The following GNAQ variants were observed in gnomAD, a reference collection of about 807,000 sequenced individuals.
GNAQ encodes G protein subunit alpha q, also known as guanine nucleotide-binding protein G(q) subunit alpha.
Under a neutral mutation model 43.9 loss-of-function variants are expected in GNAQ, and 8 were observed. That is an observed-to-expected ratio of 0.18 (90% CI 0.11 to 0.33). The LOEUF (loss-of-function observed/expected upper bound fraction) is 0.33. GNAQ is among the 10% of genes least tolerant of loss of function. GNAQ has a pLI of 1.00. For missense variants in GNAQ, 158 were observed against 450.8 expected (o/e 0.35, Z 5.88); for synonymous variants, 155 against 170.7 (o/e 0.91, Z 0.71).
At chr9:77,860,786 C>A (rs919280660) in intron 2 of GNAQ, among the ~76,000 whole-genome samples, 2 of 152,122 alleles carry the variant, frequency 1.3e-5, no homozygotes, top group African/African-American at 4.8e-5. Flanking sequence ...CTGGCTCTTC[C>A]GTGGAGGTTG....
intron 2 of GNAQ, among the ~76,000 whole-genome samples, chr9:77,837,322 C>G (rs926484299): frequency 2.0e-5 from 3 of 152,030 alleles, no homozygotes; most frequent in African/African-American, 4.8e-5. Context: ...GAGGCCGAGG[C>G]AGGCGGATCG....
chr9:77,970,291 C>T (rs1182117283), intron 1 of GNAQ, among the ~76,000 whole-genome samples: 1 of 152,126 alleles, frequency 6.6e-6, no homozygotes, highest in African/African-American at 2.4e-5. Context: ...CTCTACTCTG[C>T]CCCGTGCTCC....
At chr9:77,851,919 T>G (rs1298871824) in intron 2 of GNAQ, among the ~76,000 whole-genome samples, 12 of 152,230 alleles carry the variant, frequency 7.9e-5, no homozygotes, top group African/African-American at 2.9e-4. Context: ...TGAAAGGTTT[T>G]CTTTTCTAGC....
chr9:77,961,938 G>A (rs1823111642), intron 1 of GNAQ, among the ~76,000 whole-genome samples: 1 of 152,100 alleles, frequency 6.6e-6, no homozygotes, highest in Non-Finnish European at 1.5e-5. Context: ...ACCACCTCAA[G>A]AATGTAGAGG....
chr9:77,760,249 G>A (rs1825973465), intron 5 of GNAQ, among the ~76,000 whole-genome samples: 1 of 90,808 alleles, frequency 1.1e-5, no homozygotes, highest in African/African-American at 3.5e-5. Flanking sequence ...GTCTCCCTCT[G>A]ATGCCGAGCC....
At chr9:77,983,715 C>G (rs1049047096) in intron 1 of GNAQ, among the ~76,000 whole-genome samples, 2 of 152,090 alleles carry the variant, frequency 1.3e-5, no homozygotes, top group African/African-American at 4.8e-5. Context: ...TATCTATGCA[C>G]TTAAAATCAG....
chr9:77,820,285 T>C (rs1827092448), intron 2 of GNAQ, among the ~76,000 whole-genome samples: 1 of 152,174 alleles, frequency 6.6e-6, no homozygotes, highest in Admixed American at 6.5e-5. Flanking sequence ...TAAAATCTCC[T>C]GCAGAAAACT....
chr9:77,774,584 C>A (rs1328177352), intron 5 of GNAQ, among the ~76,000 whole-genome samples: 1 of 152,182 alleles, frequency 6.6e-6, no homozygotes, highest in Non-Finnish European at 1.5e-5. Flanking sequence ...GCTTTGGCCT[C>A]CCTAGTAGCT....
At chr9:77,753,798 AG>A (rs1825855480) in intron 5 of GNAQ, among the ~76,000 whole-genome samples, 2 of 152,102 alleles carry the variant, frequency 1.3e-5, no homozygotes, top group Non-Finnish European at 2.9e-5. Flanking sequence ...ATAACAGAAA[AG>A]GCACTGTATA....
chr9:77,723,260 T>C (rs942848679), intron 6 of GNAQ, among the ~76,000 whole-genome samples: 2 of 152,216 alleles, frequency 1.3e-5, no homozygotes, highest in Admixed American at 6.5e-5. Flanking sequence ...TGGGAAAATA[T>C]GGAGAGATTT....
intron 2 of GNAQ, among the ~76,000 whole-genome samples, chr9:77,848,241 T>C (rs1466925916): frequency 6.6e-6 from 1 of 152,194 alleles, no homozygotes; most frequent in African/African-American, 2.4e-5. Context: ...CACCAAATTC[T>C]TCCCCCTCAG....
At chr9:77,869,462 G>C (rs1828001272) in intron 2 of GNAQ, among the ~76,000 whole-genome samples, 1 of 152,152 alleles carries the variant, frequency 6.6e-6, no homozygotes, top group African/African-American at 2.4e-5. Flanking sequence ...AATTTAATCA[G>C]CTTATGCAGA....
At chr9:77,799,885 A>G (rs1826715546) in intron 3 of GNAQ, among the ~76,000 whole-genome samples, 1 of 152,208 alleles carries the variant, frequency 6.6e-6, no homozygotes, top group South Asian at 2.1e-4. Flanking sequence ...TCCAATTATT[A>G]TAAAACTGGC....
chr9:77,753,960 G>C (rs1015454039), intron 5 of GNAQ, among the ~76,000 whole-genome samples: 1 of 152,186 alleles, frequency 6.6e-6, no homozygotes, highest in Non-Finnish European at 1.5e-5. Flanking sequence ...TTGGGATAAA[G>C]TTGAGGGAAA....
At chr9:77,813,249 C>T (rs554225303) in intron 3 of GNAQ, among the ~76,000 whole-genome samples, 2 of 152,258 alleles carry the variant, frequency 1.3e-5, no homozygotes, top group South Asian at 4.1e-4. Context: ...ATCAATTTAT[C>T]CTCATTCCCA....
intron 1 of GNAQ, among the ~76,000 whole-genome samples, chr9:78,013,093 G>A (rs117528826): frequency 0.011 from 1,729 of 152,268 alleles, 14 homozygotes; most frequent in Admixed American, 0.016. Context: ...CCGTAATCAG[G>A]AGGAAGAACA....
intron 2 of GNAQ, among the ~76,000 whole-genome samples, chr9:77,903,752 C>T (rs1350718251): frequency 3.3e-5 from 5 of 151,796 alleles, no homozygotes; most frequent in Admixed American, 3.3e-4. Flanking sequence ...CACACACACA[C>T]ATATATATAC....
chr9:77,759,281 AT>A (rs567951698), intron 5 of GNAQ, among the ~76,000 whole-genome samples: 11 of 152,342 alleles, frequency 7.2e-5, no homozygotes, highest in Middle Eastern at 3.4e-3. Context: ...ATCCTTAAAC[AT>A]TTTAGCAAAC....
intron 1 of GNAQ, among the ~76,000 whole-genome samples, chr9:78,021,366 A>T (rs528371722): frequency 1.3e-5 from 2 of 152,286 alleles, no homozygotes; most frequent in South Asian, 4.1e-4. Context: ...GGTCATACCA[A>T]CTGAGAATGG....
Sources: gnomAD v4.1 joint callset for allele counts (sites outside exome capture counted in the v4.1 genomes callset) on GRCh38, gnomAD v4.1.1 for gene constraint, MANE v1.5 for transcripts, NCBI Gene and HGNC (gene_info 2026-07-23, HGNC 2026-07-21) for gene names.